TNR: variants seen among roughly 807,000 people sequenced by gnomAD.
TNR encodes tenascin-R.
A neutral mutation model predicts 150.4 loss-of-function variants in TNR; 45 were observed. The observed-to-expected ratio is 0.30, with a 90% CI of 0.24 to 0.38. TNR has a LOEUF of 0.38. Among genes scored for constraint, TNR ranks in the 10% least tolerant of loss-of-function variants. The pLI, the probability that TNR is intolerant of heterozygous loss-of-function variation, is 1.00. For synonymous variants in TNR, 687 were observed against 678.4 expected, an observed-to-expected ratio of 1.01 and a Z score of -0.20; for missense variants, 1,544 against 1,759.1, an observed-to-expected ratio of 0.88 and a Z score of 2.19.
chr1:175,681,769 G>A (rs914268215), intron 1 of TNR, among the ~76,000 whole-genome samples: 4 of 152,318 alleles, frequency 2.6e-5, no homozygotes, highest in Admixed American at 1.3e-4. Context: ...GCAGAGGGAA[G>A]GGCTGGGAGC....
chr1:175,539,534 T>C (rs964434497), intron 1 of TNR, among the ~76,000 whole-genome samples: 2 of 152,186 alleles, frequency 1.3e-5, no homozygotes, highest in African/African-American at 4.8e-5. Flanking sequence ...AGAAAAACAG[T>C]TGCACTGAGA....
chr1:175,611,177 G>C (rs1261431070), intron 1 of TNR, among the ~76,000 whole-genome samples: 1 of 152,172 alleles, frequency 6.6e-6, no homozygotes, highest in Non-Finnish European at 1.5e-5. Context: ...TGGGAAGAAA[G>C]CCATAAAGCT....
intron 1 of TNR, among the ~76,000 whole-genome samples, chr1:175,691,093 T>G (rs567731944): frequency 2.3e-4 from 35 of 151,402 alleles, no homozygotes; most frequent in African/African-American, 8.3e-4. Flanking sequence ...ATTAAACATC[T>G]CTATAGTAAG....
At chr1:175,525,585 C>T (rs1186033082) in intron 2 of TNR, among the ~76,000 whole-genome samples, 2 of 152,248 alleles carry the variant, frequency 1.3e-5, no homozygotes, top group Non-Finnish European at 2.9e-5. Flanking sequence ...TTTGGACTGG[C>T]AGGGCCAGTG....
intron 21 of TNR, among the ~76,000 whole-genome samples, chr1:175,327,232 G>A (rs966610738): frequency 6.6e-6 from 1 of 152,060 alleles, no homozygotes; most frequent in Non-Finnish European, 1.5e-5. Flanking sequence ...ATTGCTCCCA[G>A]TGTTGGTCTT....
At chr1:175,358,157 G>T (rs1466866534) in intron 15 of TNR, among the ~76,000 whole-genome samples, 2 of 152,162 alleles carry the variant, frequency 1.3e-5, no homozygotes, top group African/African-American at 4.8e-5. Context: ...GAAAGGAGGG[G>T]TGACAGGAAT....
chr1:175,432,640 T>C (rs1655327620), intron 2 of TNR, among the ~76,000 whole-genome samples: 1 of 152,184 alleles, frequency 6.6e-6, no homozygotes, highest in Non-Finnish European at 1.5e-5. Flanking sequence ...GTTTTCCCAT[T>C]ATTTCAAGGC....
intron 1 of TNR, among the ~76,000 whole-genome samples, chr1:175,627,786 G>A (rs1664200434): frequency 6.6e-6 from 1 of 151,906 alleles, no homozygotes; most frequent in Non-Finnish European, 1.5e-5. Context: ...AATCAGATGT[G>A]TTCTTTGGAA....
intron 2 of TNR, among the ~76,000 whole-genome samples, chr1:175,505,986 G>C (rs1468053344): frequency 6.6e-6 from 1 of 152,248 alleles, no homozygotes; most frequent in East Asian, 1.9e-4. Flanking sequence ...GTTACAGTGA[G>C]CTGAGATCAC....
chr1:175,336,630 C>T (rs1650265633), intron 19 of TNR, among the ~76,000 whole-genome samples: 1 of 152,226 alleles, frequency 6.6e-6, no homozygotes, highest in Admixed American at 6.5e-5. Context: ...CTCTGTATTG[C>T]CCTATCAGGC....
chr1:175,472,955 A>T (rs895786652), intron 2 of TNR, among the ~76,000 whole-genome samples: 1 of 152,196 alleles, frequency 6.6e-6, no homozygotes. Flanking sequence ...ACTGAGTTAG[A>T]AGTTAAGATG....
chr1:175,623,856 G>A (rs1664059469), intron 1 of TNR, among the ~76,000 whole-genome samples: 1 of 152,356 alleles, frequency 6.6e-6, no homozygotes, highest in African/African-American at 2.4e-5. Context: ...GTGCTCCGGG[G>A]CCCACACTGG....
chr1:175,625,460 G>T (rs544783720), intron 1 of TNR, among the ~76,000 whole-genome samples: 1 of 152,262 alleles, frequency 6.6e-6, no homozygotes, highest in Non-Finnish European at 1.5e-5. Flanking sequence ...TGCTTTTTTG[G>T]CCTGTAGGCT....
At chr1:175,596,750 A>G (rs1310266901) in intron 1 of TNR, among the ~76,000 whole-genome samples, 1 of 152,232 alleles carries the variant, frequency 6.6e-6, no homozygotes, top group South Asian at 2.1e-4. Flanking sequence ...TGCTCCATTT[A>G]TCTCAGTGGG....
At chr1:175,340,749 G>A (rs1650482299) in intron 18 of TNR, among the ~76,000 whole-genome samples, 1 of 152,220 alleles carries the variant, frequency 6.6e-6, no homozygotes, top group Non-Finnish European at 1.5e-5. Context: ...AGGCCAAGAA[G>A]TGGAATTGGT....
chr1:175,623,543 C>T (rs974686996), intron 1 of TNR, among the ~76,000 whole-genome samples: 2 of 152,200 alleles, frequency 1.3e-5, no homozygotes, highest in Non-Finnish European at 2.9e-5. Context: ...GCTTTTCATT[C>T]CACATCAAGC....
rs148031544 is a variant in TNR, at chr1:175,687,296, T to C, written c.-165+55930A>G. Among the ~76,000 whole-genome samples, 738 of 152,262 alleles carry C rather than the reference T, an allele frequency of 4.8e-3. 13 individuals carry two copies. Among genetic ancestry groups the C allele is most frequent in the African/African-American group, 0.017 (690 of 41,542 alleles). Reference sequence around the variant, plus strand: ...CACTTCTCTTCTTACTCACTTTTCTTATCTCTTAGAGCCCCCTTCGTGCCC... The same window carrying C: ...CACTTCTCTTCTTACTCACTTTTCTCATCTCTTAGAGCCCCCTTCGTGCCC... On this transcript the variant is annotated intron_variant, in intron 1 of 22. Transcript: ENST00000367674.
At chr1:175,698,583 T>TA (rs1666597695) in intron 1 of TNR, among the ~76,000 whole-genome samples, 1 of 152,144 alleles carries the variant, frequency 6.6e-6, no homozygotes, top group Non-Finnish European at 1.5e-5. Flanking sequence ...CTCATGCCTG[T>TA]AATCTCAGCA....
In TNR at chr1:175,323,033, G is replaced by A; in HGVS notation, c.*324C>T. 1 of 199,438 alleles carries A rather than the reference G, an allele frequency of 5.0e-6. No homozygotes were observed. Among genetic ancestry groups the A allele is most frequent in the Non-Finnish European group, 1.0e-5 (1 of 98,736 alleles). 12.4% of individuals were successfully genotyped at this position (199,438 alleles called of 1,614,324 possible). On this transcript the variant is annotated 3_prime_UTR_variant, in exon 23 of 23. Coordinates refer to ENST00000367674, the MANE Select transcript of TNR (RefSeq NM_003285.3). ...AGAAGAAGGGTAGAAAAATGTGTGT[G>A]CCTGTCACCATAACAATCTGCACCC...
Sources: gnomAD v4.1 joint callset for allele counts (sites outside exome capture counted in the v4.1 genomes callset) on GRCh38, gnomAD v4.1.1 for gene constraint, MANE v1.5 for transcripts, NCBI Gene and HGNC (gene_info 2026-07-23, HGNC 2026-07-21) for gene names.